PIK3C2B: variants seen among roughly 807,000 people sequenced by gnomAD.
PIK3C2B encodes phosphatidylinositol-4-phosphate 3-kinase catalytic subunit type 2 beta.
A neutral mutation model predicts 184.3 loss-of-function variants in PIK3C2B; 83 were observed. That is an observed-to-expected ratio of 0.45 (90% CI 0.38 to 0.54). The LOEUF (loss-of-function observed/expected upper bound fraction) is 0.54, where lower values mean the gene tolerates loss of function less well. PIK3C2B is among the 20% of genes least tolerant of loss of function. The pLI is 0.00. For synonymous variants in PIK3C2B, 779 were observed against 837.6 expected, an observed-to-expected ratio of 0.93 and a Z score of 1.21; for missense variants, 1,736 against 2,113.5, an observed-to-expected ratio of 0.82 and a Z score of 3.50.
intron 1 of PIK3C2B, among the ~76,000 whole-genome samples, chr1:204,489,442 A>T (rs1263672757): frequency 6.6e-6 from 1 of 151,774 alleles, no homozygotes; most frequent in African/African-American, 2.4e-5. Flanking sequence ...AAGTGCTGAG[A>T]TTACAGCATA....
rs1656481792 is a variant in PIK3C2B, at chr1:204,473,749, C to T, written c.-84-3863G>A. Among the ~76,000 whole-genome samples the T allele has an allele frequency of 1.3e-5, 2 of 152,186 alleles. 1 individual carries two copies. The highest frequency in any genetic ancestry group is 1.3e-4 in the Admixed American group (2 of 15,282). On this transcript the variant is annotated intron_variant, in intron 1 of 32. Coordinates refer to ENST00000684373, the MANE Select transcript of PIK3C2B (RefSeq NM_001377334.1). ...CCCACTTATGCATACTTGCACTCAGCTTCACTTTCTTCCTTTTGGCCCAGG... is the reference window on the plus strand; with the variant it reads ...CCCACTTATGCATACTTGCACTCAGTTTCACTTTCTTCCTTTTGGCCCAGG...
intron 1 of PIK3C2B, among the ~76,000 whole-genome samples, chr1:204,471,668 C>T (rs867838573): frequency 0.015 from 2,035 of 140,302 alleles, 53 homozygotes; most frequent in African/African-American, 0.055. Flanking sequence ...GATGGCTTCA[C>T]TGGTATTCTC....
intron 32 of PIK3C2B, 137 bp from the exon 33 acceptor site, chr1:204,425,177 G>A: frequency 1.5e-6 from 1 of 659,332 alleles, no homozygotes; most frequent in East Asian, 2.7e-5. Context: ...AGAGTCCCAG[G>A]TAATACAGAA....
intron 2 of PIK3C2B, among the ~76,000 whole-genome samples, chr1:204,465,720 G>A (rs1380419513): frequency 6.6e-6 from 1 of 152,222 alleles, no homozygotes; most frequent in Non-Finnish European, 1.5e-5. Context: ...CCTCTACTGA[G>A]GCTAGAGCAG....
At chr1:204,457,917 T>G (rs780427759) in intron 8 of PIK3C2B, 43 bp from the exon 9 acceptor site, 35 of 1,596,708 alleles carry the variant, frequency 2.2e-5, no homozygotes, top group Non-Finnish European at 8.5e-7. Context: ...TCTGCTCTCA[T>G]GCTCTTGGTC....
chr1:204,464,255 G>C, intron 4 of PIK3C2B, 123 bp from the exon 5 acceptor site: 1 of 1,253,868 alleles, frequency 8.0e-7, no homozygotes, highest in Non-Finnish European at 1.1e-6. Context: ...ACCAGATAAA[G>C]CAGGCAAGTA....
chr1:204,467,833 CAAA>C (rs545904416), intron 2 of PIK3C2B, among the ~76,000 whole-genome samples: 9 of 88,564 alleles, frequency 1.0e-4, no homozygotes, highest in East Asian at 3.1e-4. Context: ...GACTCTGTCT[CAAA>C]AAAAAAAAAA....
intron 1 of PIK3C2B, among the ~76,000 whole-genome samples, chr1:204,481,252 C>T (rs1657116392): frequency 1.4e-5 from 2 of 147,526 alleles, no homozygotes; most frequent in South Asian, 4.3e-4. Flanking sequence ...CTGGCCTAGA[C>T]CCATAAGGTC....
Position 204,479,968 on chromosome 1 carries a change from A to G in PIK3C2B, c.-84-10082T>C, listed in dbSNP as rs1657000727. On this transcript the variant is annotated intron_variant, in intron 1 of 32. Transcript: ENST00000684373. ...CTGGAGGGCTCATCAGAGAGAGGAC[A>G]GGAGAGGCCACGGCAGAGGAGCTGC... 3.3e-5 allele frequency among the ~76,000 whole-genome samples: 5 copies of G among 152,214 alleles called. No individual in the cohort carries two copies. The South Asian group carries it at 1.0e-3, about 31-fold the overall frequency.
Position 204,469,077 on chromosome 1 carries a change from C to T in PIK3C2B, c.726G>A (p.Ser242=), listed in dbSNP as rs146926130. 9.4e-4 allele frequency: 1,516 copies of T among 1,614,158 alleles called. 1 individual carries two copies. Among genetic ancestry groups the T allele is most frequent in the Non-Finnish European group, 1.2e-3 (1,363 of 1,180,040 alleles). The change falls in exon 2 of 33, where the codon TCG becomes TCA. Residue 242 remains serine (S), a synonymous_variant. Coordinates refer to ENST00000684373, the MANE Select transcript of PIK3C2B (RefSeq NM_001377334.1). Reference sequence around the variant, plus strand: ...CCCGCAACATCTCCGCATCATAGGTCGATTTCAAGTTGAGCCTAGTAATTG... The same window carrying T: ...CCCGCAACATCTCCGCATCATAGGTTGATTTCAAGTTGAGCCTAGTAATTG... The part of the protein sequence containing the change: ...NDAITRLNLK[S]TYDAEMLRDA...
At chr1:204,485,576 CT>C (rs11407141) in intron 1 of PIK3C2B, among the ~76,000 whole-genome samples, 223 of 140,342 alleles carry the variant, frequency 1.6e-3, no homozygotes, top group African/African-American at 1.5e-3. Context: ...GTCATTCTTC[CT>C]TTTTTTTTTT....
intron 1 of PIK3C2B, among the ~76,000 whole-genome samples, chr1:204,478,971 G>T (rs1656921616): frequency 6.6e-6 from 1 of 152,176 alleles, no homozygotes; most frequent in South Asian, 2.1e-4. Flanking sequence ...TAGAATCCTT[G>T]GAGATCATAG....
intron 5 of PIK3C2B, 53 bp downstream of exon 5, chr1:204,463,959 C>CA (rs978832815): frequency 6.3e-7 from 1 of 1,590,510 alleles, no homozygotes; most frequent in African/African-American, 1.3e-5. Flanking sequence ...ATGAAGCCCC[C>CA]TCACAATCTT....
At position 204,445,910 on chromosome 1, in the gene PIK3C2B, C is replaced by T. The variant is rs61763408; in HGVS notation, c.2678+46G>A. The T allele has an allele frequency of 5.7e-4, 771 of 1,359,030 alleles. 5 individuals carry two copies. In the African/African-American group the frequency reaches 9.3e-3, roughly 16 times the overall value. The allele number at this position is 1,359,030 out of a possible 1,614,324, so 84.2% of individuals were successfully genotyped here. On this transcript the variant is annotated intron_variant, in intron 16 of 32. Transcript: ENST00000684373. ...ACTGATGGGCAGTGTCGTGCCCTGG[C>T]TTCTACAAGAACACATAGTCAGAAA...
At chr1:204,429,763 C>T (rs1364924856) in intron 29 of PIK3C2B, among the ~76,000 whole-genome samples, 158 bp downstream of exon 29, 1 of 152,176 alleles carries the variant, frequency 6.6e-6, no homozygotes, top group Non-Finnish European at 1.5e-5. Context: ...CCACCCTCCT[C>T]CTGTCTTCTG....
rs747003072 is a variant in PIK3C2B at position 204,424,929 on chromosome 1, G to C, written c.4828C>G (p.Arg1610Gly). ...ENVLLGEVNI[R>G]LRELDLAQEK... ...TGAGCCAGGTCCAGCTCTCGCAGGC[G>C]GATGTTCACCTCACCGAGGAGGACG... is the stretch of plus-strand genomic sequence containing the variant. Residue 1610 changes from arginine to glycine, a missense_variant, in exon 33 of 33, where the codon CGC becomes GGC. Transcript: ENST00000684373. 1 of 1,614,072 alleles carries C rather than the reference G, an allele frequency of 6.2e-7. No homozygotes were observed. Among genetic ancestry groups the C allele is most frequent in the East Asian group, 2.2e-5 (1 of 44,892 alleles).
chr1:204,478,993 T>C (rs368353682), intron 1 of PIK3C2B, among the ~76,000 whole-genome samples: 65 of 152,306 alleles, frequency 4.3e-4, no homozygotes, highest in African/African-American at 1.6e-3. Flanking sequence ...TCCTGCTACA[T>C]ACCCTGTAGA....
chr1:204,453,416 T>C (rs1178121751), intron 12 of PIK3C2B, among the ~76,000 whole-genome samples: 1 of 152,262 alleles, frequency 6.6e-6, no homozygotes, highest in African/African-American at 2.4e-5. Context: ...CCTTGTGCTT[T>C]TGGTTTCATA....
rs1489546439 is a variant in PIK3C2B, at chr1:204,449,243, T to A, written c.2288A>T (p.Asn763Ile). 2 of 1,613,044 alleles carry A rather than the reference T, an allele frequency of 1.2e-6. No individual in the cohort carries two copies. The highest frequency in any genetic ancestry group is 1.7e-6 in the Non-Finnish European group (2 of 1,179,756). ...AGGTGCACTCCAACGGGCGCTGGGA[T>A]TTTCCTGTGTTGCTGGCCACAAACC... is the stretch of plus-strand genomic sequence containing the variant. ...LLGLWPATQE[N>I]PSARWSAPNF... The change falls in exon 14 of 33, where the codon AAT becomes ATT. Residue 763 changes from asparagine to isoleucine, a missense_variant. Around this residue, in one of 8 missense-constraint regions of PIK3C2B, gnomAD observed 609 missense variants for 699.2 expected, o/e 0.87. Transcript: ENST00000684373.
Sources: gnomAD v4.1 joint callset for allele counts (sites outside exome capture counted in the v4.1 genomes callset) on GRCh38, gnomAD v4.1.1 for gene constraint, gnomAD v4.1.1 regional missense constraint, MANE v1.5 for transcripts, NCBI Gene and HGNC (gene_info 2026-07-23, HGNC 2026-07-21) for gene names.